Variants in MYO7A observed in about 807,000 individuals in gnomAD.
MYO7A encodes myosin VIIA.
In MYO7A, 210 loss-of-function variants were observed where a neutral mutation model predicts 263.8. The ratio of observed to expected loss-of-function variants is 0.80; its 90% confidence interval spans 0.71 to 0.89. The LOEUF is 0.89. MYO7A is among the 40% of genes least tolerant of loss of function. MYO7A has a pLI of 0.00. For missense variants in MYO7A, 2,820 were observed against 2,968.3 expected, an observed-to-expected ratio of 0.95 and a Z score of 1.16; for synonymous variants, 1,239 against 1,197.3, an observed-to-expected ratio of 1.03 and a Z score of -0.72.
In MYO7A at chr11:77,162,266, A is replaced by C; in HGVS notation, c.1490A>C (p.Asp497Ala). 1 of 1,555,296 alleles carries C rather than the reference A, an allele frequency of 6.4e-7. No individual in the cohort carries two copies. The highest frequency in any genetic ancestry group is 1.2e-5 in the South Asian group (1 of 84,206). The change falls in exon 13 of 49, where the codon GAC (aspartate) becomes GCC (alanine). Residue 497 changes from aspartate to alanine, a missense_variant. By Grantham distance (126) the Asp-to-Ala change is moderately radical. Transcript: ENST00000409709. ...TTCACTGACAACCAGGATGCCCTGG[A>C]CATGATTGCCAACAAGCCCATGAAC... is the stretch of plus-strand genomic sequence containing the variant. ...IEFTDNQDALDMIANKPMNII... is the reference protein window; with the variant it reads ...IEFTDNQDALAMIANKPMNII...
intron 40 of MYO7A, 129 bp downstream of exon 40, chr11:77,205,746 C>A: frequency 7.9e-7 from 1 of 1,261,808 alleles, no homozygotes; most frequent in Non-Finnish European, 1.1e-6. Flanking sequence ...ACCTCAACTG[C>A]CAGCTAGACG....
chr11:77,132,160 C>T (rs1591168043), intron 2 of MYO7A, among the ~76,000 whole-genome samples: 1 of 152,054 alleles, frequency 6.6e-6, no homozygotes, highest in African/African-American at 2.4e-5. Context: ...CCCCTCTTGC[C>T]TGGCTGACTT....
chr11:77,140,284 G>A (rs1268353316), intron 2 of MYO7A, among the ~76,000 whole-genome samples: 2 of 152,172 alleles, frequency 1.3e-5, no homozygotes, highest in Non-Finnish European at 2.9e-5. Context: ...CAGGGCCCTT[G>A]AGCCATCTGG....
rs770179863 is a variant in MYO7A at position 77,199,531 on chromosome 11, T to G, written c.4569-4T>G. The G allele has an allele frequency of 4.7e-6, 7 of 1,486,906 alleles. No individual in the cohort carries two copies. In the African/African-American group the frequency reaches 8.4e-5, roughly 18 times the overall value. 92.1% of individuals were successfully genotyped at this position (1,486,906 alleles called of 1,614,324 possible). On this transcript the variant is annotated splice_region_variant and splice_polypyrimidine_tract_variant and intron_variant, in intron 34 of 48. Coordinates refer to ENST00000409709, the MANE Select transcript of MYO7A (RefSeq NM_000260.4). ...CTGACTCAACTGGCCTTGATCTCCT[T>G]CAGGGAGTGCCGTGTCTGGCTCTCA...
Position 77,142,635 on chromosome 11 carries a change from G to A in MYO7A, c.19-74G>A. 4.0e-6 allele frequency: 5 copies of A among 1,258,588 alleles called. No individual in the cohort carries two copies. The South Asian group carries it at 6.4e-5, about 16-fold the overall frequency. The allele number at this position is 1,258,588 out of a possible 1,614,324, so 78.0% of individuals were successfully genotyped here. A position where few individuals can be genotyped will look rare whatever the true frequency, so the allele number is the denominator to read the frequency against. On this transcript the variant is annotated intron_variant, in intron 2 of 48. Transcript: ENST00000409709. ...TCAGAGCCTCTGATTGTAGCAGAGGGATATAGGGCTGCCTGGAAGGGGCTC... is the reference window on the plus strand; with the variant it reads ...TCAGAGCCTCTGATTGTAGCAGAGGAATATAGGGCTGCCTGGAAGGGGCTC...
chr11:77,151,459 C>T (rs544211250), intron 4 of MYO7A, among the ~76,000 whole-genome samples: 12 of 152,106 alleles, frequency 7.9e-5, no homozygotes, highest in Non-Finnish European at 1.5e-4. Flanking sequence ...TAAATGCTAA[C>T]GAAGTCCCCA....
At position 77,179,398 on chromosome 11, in the gene MYO7A, A is replaced by G. The variant is rs10899356; in HGVS notation, c.2367+269A>G. The stretch of plus-strand genomic sequence containing the variant: ...TCTGGGATTATTAGAGATCTCAGAC[A>G]GGGTGAGAGTGGCTGGGTCACATGG... On this transcript the variant is annotated intron_variant, in intron 20 of 48. Transcript: ENST00000409709. Among the ~76,000 whole-genome samples, 91,119 of 152,104 alleles carry G rather than the reference A, an allele frequency of 0.6. 27,877 individuals are homozygous for G. The highest frequency in any genetic ancestry group is 0.71 in the African/African-American group (29,383 of 41,488).
At chr11:77,179,173 AC>A in intron 20 of MYO7A, 44 bp downstream of exon 20, 2 of 1,527,578 alleles carry the variant, frequency 1.3e-6, no homozygotes, top group African/African-American at 1.4e-5. Context: ...AGGCCTTTGA[AC>A]CCAGCCTTGC....
At chr11:77,155,450 C>T (rs1032609570) in intron 4 of MYO7A, among the ~76,000 whole-genome samples, 4 of 152,164 alleles carry the variant, frequency 2.6e-5, no homozygotes, top group African/African-American at 7.2e-5. Flanking sequence ...TTCTCACGCC[C>T]CTCTTCCTCA....
chr11:77,172,619 C>T (rs1382875158), intron 15 of MYO7A, 129 bp from the exon 16 acceptor site: 9 of 1,261,940 alleles, frequency 7.1e-6, no homozygotes, highest in East Asian at 2.6e-5. Flanking sequence ...TGCAGGAAAA[C>T]TTCAAATACC....
Position 77,148,020 on chromosome 11 carries a change from C to T in MYO7A, c.285+70C>T, listed in dbSNP as rs1350921098. 10 of 1,375,144 alleles carry T rather than the reference C, an allele frequency of 7.3e-6. No individual in the cohort carries two copies. In the South Asian group the frequency reaches 9.0e-5, roughly 12 times the overall value. The allele number at this position is 1,375,144 out of a possible 1,614,324, so 85.2% of individuals were successfully genotyped here. On this transcript the variant is annotated intron_variant, in intron 4 of 48. Transcript: ENST00000409709. Reference sequence around the variant, plus strand: ...CCGCCCCGCCCACCTCGCCCCACCCCGCCCGACTTGCCTCCGGCCCCGCCC... The same window carrying T: ...CCGCCCCGCCCACCTCGCCCCACCCTGCCCGACTTGCCTCCGGCCCCGCCC...
chr11:77,153,625 G>A (rs1296933545), intron 4 of MYO7A, among the ~76,000 whole-genome samples: 1 of 152,186 alleles, frequency 6.6e-6, no homozygotes, highest in Non-Finnish European at 1.5e-5. Context: ...GGCTCTGACT[G>A]CCTTCTGGAA....
chr11:77,205,721 G>T, intron 40 of MYO7A, 104 bp downstream of exon 40: 2 of 1,475,156 alleles, frequency 1.4e-6, no homozygotes, highest in Non-Finnish European at 1.8e-6. Flanking sequence ...TAGCAGTTGG[G>T]CCCACCCCTG....
At chr11:77,173,584 C>A (rs1158161773) in intron 16 of MYO7A, among the ~76,000 whole-genome samples, 1 of 152,132 alleles carries the variant, frequency 6.6e-6, no homozygotes, top group African/African-American at 2.4e-5. Flanking sequence ...TCGCTGCGAG[C>A]CCTCTCCTTT....
At chr11:77,174,046 G>C (rs1294816254) in intron 16 of MYO7A, among the ~76,000 whole-genome samples, 1 of 151,916 alleles carries the variant, frequency 6.6e-6, no homozygotes, top group Non-Finnish European at 1.5e-5. Flanking sequence ...CTGGCCCCCA[G>C]TGACATTGTT....
At chr11:77,164,505 G>A (rs1490354422) in intron 14 of MYO7A, among the ~76,000 whole-genome samples, 1 of 152,204 alleles carries the variant, frequency 6.6e-6, no homozygotes, top group Non-Finnish European at 1.5e-5. Flanking sequence ...AGTCAGCAGT[G>A]TATCAGTGAG....
intron 3 of MYO7A, among the ~76,000 whole-genome samples, chr11:77,145,421 G>T (rs1219213807): frequency 6.6e-6 from 1 of 152,158 alleles, no homozygotes; most frequent in Non-Finnish European, 1.5e-5. Context: ...GGGGTCCGGG[G>T]TCAGGCCGTG....
At chr11:77,189,127 T>C (rs1187965519) in intron 27 of MYO7A, among the ~76,000 whole-genome samples, 3 of 151,654 alleles carry the variant, frequency 2.0e-5, no homozygotes, top group African/African-American at 4.8e-5. Flanking sequence ...TGGATTGGAG[T>C]TGGGGAGGTG....
chr11:77,191,950 T>C (rs762334058), intron 30 of MYO7A, 101 bp from the exon 31 acceptor site: 49 of 1,061,154 alleles, frequency 4.6e-5, no homozygotes, highest in Non-Finnish European at 6.4e-5. Flanking sequence ...TGCCCCTCGC[T>C]GGGCCTCCGT....
Sources: gnomAD v4.1 joint callset for allele counts (sites outside exome capture counted in the v4.1 genomes callset) on GRCh38, gnomAD v4.1.1 for gene constraint, MANE v1.5 for transcripts, NCBI Gene and HGNC (gene_info 2026-07-23, HGNC 2026-07-21) for gene names.